Variants in TMEM255B observed in about 807,000 individuals in gnomAD.
The protein encoded by TMEM255B is transmembrane protein 255B.
In TMEM255B, 35 loss-of-function variants were observed where a neutral mutation model predicts 34.5. That is an observed-to-expected ratio of 1.01 (90% confidence interval 0.77 to 1.34). TMEM255B has a LOEUF of 1.34. Among genes scored for constraint, TMEM255B ranks in the 40% most tolerant of loss-of-function variants. The probability of loss-of-function intolerance (pLI) is 0.00; values close to 1 mark genes in which losing one functional copy is unlikely to be tolerated. For missense variants in TMEM255B, 432 were observed against 433.2 expected (o/e 1.00, Z 0.02); for synonymous variants, 206 against 201.2 (o/e 1.02, Z -0.20).
rs547467490 is a variant in TMEM255B, at chr13:113,811,380, G to A, written c.814-356G>A. The stretch of plus-strand genomic sequence containing the variant: ...CCGGTGAGAGAGGTCCTGGGTCTGC[G>A]GTGGGGGAGGGGGACGTAAGAGTGG... On this transcript the variant is annotated intron_variant, in intron 8 of 8. Coordinates refer to ENST00000375353, the MANE Select transcript of TMEM255B (RefSeq NM_182614.4). Among the ~76,000 whole-genome samples the A allele has an allele frequency of 8.9e-4, 123 of 137,982 alleles. 2 individuals carry two copies. Among genetic ancestry groups the A allele is most frequent in the African/African-American group, 3.3e-3 (120 of 36,380 alleles). 90.5% of individuals were successfully genotyped at this position (137,982 alleles called of 152,430 possible).
chr13:113,811,844 C>G lies in TMEM255B; in HGVS notation c.922C>G (p.Pro308Ala). ...CTCTGGGCTTCCCGGCCAGGCTCCACCGTGCTACGCACCCACCTACTTTCC... is the reference window on the plus strand; with the variant it reads ...CTCTGGGCTTCCCGGCCAGGCTCCAGCGTGCTACGCACCCACCTACTTTCC... Reference protein sequence around the residue: ...SGSGLPGQAPPCYAPTYFPPG... With the variant: ...SGSGLPGQAPACYAPTYFPPG... Residue 308 changes from proline to alanine, a missense_variant, in exon 9 of 9, where the codon CCG (proline) becomes GCG (alanine). Coordinates refer to ENST00000375353, the MANE Select transcript of TMEM255B (RefSeq NM_182614.4). 1 of 1,613,928 alleles carries G rather than the reference C, an allele frequency of 6.2e-7. No homozygotes were observed. Among genetic ancestry groups the G allele is most frequent in the Non-Finnish European group, 8.5e-7 (1 of 1,179,874 alleles).
chr13:113,812,099 G>T lies in TMEM255B; in HGVS notation c.*196G>T. The T allele has an allele frequency of 1.5e-6, 1 of 670,384 alleles. No homozygotes were observed. The highest frequency in any genetic ancestry group is 2.4e-6 in the Non-Finnish European group (1 of 408,300). The allele number at this position is 670,384 out of a possible 1,614,324, so 41.5% of individuals were successfully genotyped here. A position where few individuals can be genotyped will look rare whatever the true frequency, so the allele number is the denominator to read the frequency against. On this transcript the variant is annotated 3_prime_UTR_variant, in exon 9 of 9. Coordinates refer to ENST00000375353, the MANE Select transcript of TMEM255B (RefSeq NM_182614.4). ...AGGGAGTGGGGCCCTCCAGACCCAGGCTGGTGACACCTTGGCTTGGGCTCT... is the reference window on the plus strand; with the variant it reads ...AGGGAGTGGGGCCCTCCAGACCCAGTCTGGTGACACCTTGGCTTGGGCTCT...
Position 113,814,176 on chromosome 13 carries a change from C to T in TMEM255B, c.*2273C>T, listed in dbSNP as rs2051379104. On this transcript the variant is annotated 3_prime_UTR_variant, in exon 9 of 9. Coordinates refer to ENST00000375353, the MANE Select transcript of TMEM255B (RefSeq NM_182614.4). The stretch of plus-strand genomic sequence containing the variant: ...CCCCCGAAGCTGCCTGGTGCAGGCA[C>T]CAGCACCTCTTGGTGTCCTAGGGGT... 6.6e-6 allele frequency: 1 copy of T among 152,192 alleles called. No homozygotes were observed. Among genetic ancestry groups the T allele is most frequent in the South Asian group, 2.1e-4 (1 of 4,836 alleles). The allele number at this position is 152,192 out of a possible 1,614,324, so 9.4% of individuals were successfully genotyped here.
At chr13:113,797,303 G>A (rs548007585) in intron 4 of TMEM255B, among the ~76,000 whole-genome samples, 3 of 152,386 alleles carry the variant, frequency 2.0e-5, no homozygotes, top group African/African-American at 7.2e-5. Context: ...TGCCATCGAG[G>A]AAAATGTGGC....
At chr13:113,797,806 A>T (rs773947027) in intron 4 of TMEM255B, among the ~76,000 whole-genome samples, 2 of 152,236 alleles carry the variant, frequency 1.3e-5, no homozygotes, top group Non-Finnish European at 2.9e-5. Flanking sequence ...AACGTGGGCA[A>T]TGTGACCCTA....
chr13:113,759,249 A>G lies in TMEM255B; in HGVS notation c.-21A>G. On this transcript the variant is annotated 5_prime_UTR_variant, in exon 1 of 9. Coordinates refer to ENST00000375353, the MANE Select transcript of TMEM255B (RefSeq NM_182614.4). The stretch of plus-strand genomic sequence containing the variant: ...GCGGGACTGTGGCTGTGGCCCCGGG[A>G]GAGCCGGGTGGGGCCTCGGGATGCA... The G allele has an allele frequency of 8.1e-7, 1 of 1,227,632 alleles. No individual in the cohort carries two copies. The highest frequency in any genetic ancestry group is 1.6e-5 in the African/African-American group (1 of 64,226). 76.0% of individuals were successfully genotyped at this position (1,227,632 alleles called of 1,614,324 possible).
At chr13:113,800,093 TGTG>T in intron 5 of TMEM255B, 7 of 1,109,952 alleles carry the variant, frequency 6.3e-6, no homozygotes, top group African/African-American at 1.9e-5. Flanking sequence ...TGTGTGTGTG[TGTG>T]GGGGGGGGTA....
rs1332360766 is a variant in TMEM255B at position 113,801,769 on chromosome 13, T to C, written c.626T>C (p.Leu209Pro). 2.5e-6 allele frequency: 4 copies of C among 1,612,542 alleles called. No individual in the cohort carries two copies. Among genetic ancestry groups the C allele is most frequent in the Non-Finnish European group, 3.4e-6 (4 of 1,179,440 alleles). The change falls in exon 7 of 9, where the codon CTG (leucine) becomes CCG (proline). Residue 209 changes from leucine to proline, a missense_variant. Coordinates refer to ENST00000375353, the MANE Select transcript of TMEM255B (RefSeq NM_182614.4). ...SAVLNVLGLFLGIITAAVLGA... is the reference protein window; with the variant it reads ...SAVLNVLGLFPGIITAAVLGA... The stretch of plus-strand genomic sequence containing the variant: ...GTTCTGAACGTCCTGGGCCTGTTCC[T>C]GGGCATCATCACCGCCGCCGTCCTG...
intron 3 of TMEM255B, among the ~76,000 whole-genome samples, chr13:113,792,235 G>T (rs557060519): frequency 1.3e-5 from 2 of 152,346 alleles, no homozygotes; most frequent in African/African-American, 2.4e-5. Flanking sequence ...ATTTCTGCCC[G>T]CTGTTTTTAC....
In TMEM255B at chr13:113,812,924, C is replaced by CAGGTCCT. The variant is rs1566341851; in HGVS notation, c.*1021_*1022insAGGTCCT. ...TGAGTCACAGGCCCCGGGTGAGTCACGGGTCCCGGGTGGGTCACGGGTCCC... is the reference window on the plus strand; with the variant it reads ...TGAGTCACAGGCCCCGGGTGAGTCACAGGTCCTGGGTCCCGGGTGGGTCACGGGTCCC... On this transcript the variant is annotated 3_prime_UTR_variant, in exon 9 of 9. Transcript: ENST00000375353. 1 of 133,100 alleles carries CAGGTCCT rather than the reference C, an allele frequency of 7.5e-6. No individual in the cohort carries two copies. The highest frequency in any genetic ancestry group is 3.1e-5 in the African/African-American group (1 of 32,406). 8.2% of individuals were successfully genotyped at this position (133,100 alleles called of 1,614,324 possible). A position where few individuals can be genotyped will look rare whatever the true frequency, so the allele number is the denominator to read the frequency against.
chr13:113,795,047 G>A, intron 3 of TMEM255B, 101 bp from the exon 4 acceptor site: 1 of 1,074,514 alleles, frequency 9.3e-7, no homozygotes, highest in Middle Eastern at 2.9e-4. Flanking sequence ...AGGCAGTTCT[G>A]TGAAAGAAGC....
intron 8 of TMEM255B, among the ~76,000 whole-genome samples, chr13:113,808,794 G>GGGC (rs1235227812): frequency 1.9e-5 from 2 of 102,922 alleles, no homozygotes; most frequent in Non-Finnish European, 3.8e-5. Flanking sequence ...GTGGTTCCTG[G>GGGC]GGGGGGGGTT....
At chr13:113,774,572 TGAC>T (rs1432277468) in intron 3 of TMEM255B, among the ~76,000 whole-genome samples, 1 of 102,506 alleles carries the variant, frequency 9.8e-6, no homozygotes, top group East Asian at 2.7e-4. Context: ...ACAACACACA[TGAC>T]ACACACACCA....
chr13:113,796,186 CAG>C (rs2050930073), intron 4 of TMEM255B, among the ~76,000 whole-genome samples: 1 of 145,780 alleles, frequency 6.9e-6, no homozygotes, highest in Non-Finnish European at 1.5e-5. Context: ...ACACAACACA[CAG>C]AGCACACAGC....
At chr13:113,798,007 A>C (rs2138569105) in intron 4 of TMEM255B, among the ~76,000 whole-genome samples, 1 of 152,332 alleles carries the variant, frequency 6.6e-6, no homozygotes, top group Middle Eastern at 3.4e-3. Flanking sequence ...CTGCTCCATG[A>C]ATGTTGCAGA....
chr13:113,807,934 G>C (rs865831095), intron 8 of TMEM255B, among the ~76,000 whole-genome samples: 10 of 152,160 alleles, frequency 6.6e-5, no homozygotes, highest in Non-Finnish European at 7.4e-5. Flanking sequence ...GGGGCTCTGG[G>C]TTTACGCAAA....
intron 3 of TMEM255B, among the ~76,000 whole-genome samples, chr13:113,779,878 T>C (rs2050640737): frequency 6.6e-6 from 1 of 152,210 alleles, no homozygotes. Flanking sequence ...TTTGAAACAA[T>C]TTTCTCTCTC....
rs1566344824 is a variant in TMEM255B, at chr13:113,814,880, G to A, written c.*2977G>A. ...GGGCAGGGGGTGCTGGGGGGTTTGG[G>A]GGTGCTGTGGCCCCGGGGCAGGGGG... On this transcript the variant is annotated 3_prime_UTR_variant, in exon 9 of 9. Coordinates refer to ENST00000375353, the MANE Select transcript of TMEM255B (RefSeq NM_182614.4). The A allele has an allele frequency of 6.6e-6, 1 of 150,788 alleles. No individual in the cohort carries two copies. Among genetic ancestry groups the A allele is most frequent in the Non-Finnish European group, 1.5e-5 (1 of 67,736 alleles). The allele number at this position is 150,788 out of a possible 1,614,324, so 9.3% of individuals were successfully genotyped here. A position where few individuals can be genotyped will look rare whatever the true frequency, so the allele number is the denominator to read the frequency against.
chr13:113,790,775 G>A (rs2050820047), intron 3 of TMEM255B, among the ~76,000 whole-genome samples: 1 of 105,824 alleles, frequency 9.4e-6, no homozygotes, highest in Admixed American at 9.7e-5. Context: ...TCCTAGCTCT[G>A]GACTGACCGG....
Sources: gnomAD v4.1 joint callset for allele counts (sites outside exome capture counted in the v4.1 genomes callset) on GRCh38, gnomAD v4.1.1 for gene constraint, MANE v1.5 for transcripts, NCBI Gene and HGNC (gene_info 2026-07-23, HGNC 2026-07-21) for gene names.